NCKAP5: variants seen among roughly 807,000 people sequenced by gnomAD.
The protein encoded by NCKAP5 is nck-associated protein 5.
A neutral mutation model predicts 167.0 loss-of-function variants in NCKAP5; 92 were observed. The observed-to-expected ratio is 0.55, with a 90% CI of 0.47 to 0.66. The LOEUF (loss-of-function observed/expected upper bound fraction) is 0.66. Among genes scored for constraint, NCKAP5 ranks in the 30% least tolerant of loss-of-function variants. The pLI is 0.00. For synonymous variants in NCKAP5, 891 were observed against 877.4 expected (o/e 1.02, Z -0.27); for missense variants, 2,378 against 2,315.0 (o/e 1.03, Z -0.56).
At chr2:133,337,846 C>G (rs564625747) in intron 3 of NCKAP5, among the ~76,000 whole-genome samples, 1 of 152,196 alleles carries the variant, frequency 6.6e-6, no homozygotes, top group Admixed American at 6.5e-5. Flanking sequence ...CTCATTATAC[C>G]AATAATCAAC....
intron 3 of NCKAP5, among the ~76,000 whole-genome samples, chr2:133,508,071 A>G (rs927597365): frequency 1.3e-5 from 2 of 152,200 alleles, no homozygotes; most frequent in Non-Finnish European, 2.9e-5. Context: ...AATTAGGGGT[A>G]AGAGAATGTT....
At chr2:133,016,543 C>A (rs1243503135) in intron 6 of NCKAP5, among the ~76,000 whole-genome samples, 2 of 152,152 alleles carry the variant, frequency 1.3e-5, no homozygotes, top group African/African-American at 4.8e-5. Flanking sequence ...AGAAAATGGT[C>A]TTTTGGAATC....
intron 11 of NCKAP5, among the ~76,000 whole-genome samples, chr2:132,827,488 G>A (rs1357143883): frequency 6.6e-6 from 1 of 152,140 alleles, no homozygotes; most frequent in African/African-American, 2.4e-5. Context: ...GATCATATCA[G>A]GGTAATTAGC....
intron 8 of NCKAP5, among the ~76,000 whole-genome samples, chr2:132,892,649 A>G (rs564305732): frequency 6.6e-6 from 1 of 152,356 alleles, no homozygotes; most frequent in Non-Finnish European, 1.5e-5. Context: ...ATTTGCAGAA[A>G]AGAATATCAA....
chr2:133,184,338 G>A (rs2084855979), intron 5 of NCKAP5, among the ~76,000 whole-genome samples: 1 of 152,090 alleles, frequency 6.6e-6, no homozygotes, highest in African/African-American at 2.4e-5. Flanking sequence ...CGGTGTATAT[G>A]TATCATCTTT....
At chr2:133,186,235 G>A (rs931165530) in intron 5 of NCKAP5, among the ~76,000 whole-genome samples, 1 of 151,832 alleles carries the variant, frequency 6.6e-6, no homozygotes, top group African/African-American at 2.4e-5. Context: ...TTTGCTTTTT[G>A]TTTTTATGTG....
intron 8 of NCKAP5, among the ~76,000 whole-genome samples, chr2:132,899,645 C>T (rs757331539): frequency 2.8e-4 from 42 of 152,330 alleles, no homozygotes; most frequent in Middle Eastern, 3.4e-3. Context: ...AAGGCCGAAG[C>T]GGGCAGATCA....
rs72996880 is a variant in NCKAP5, at chr2:133,046,704, A to G, written c.342-52465T>C. ...CAGATGAAGTTTCATATTTCACTAA[A>G]GAGAAACTACCTAGCTTCTAAGAAA... On this transcript the variant is annotated intron_variant, in intron 6 of 19. Coordinates refer to ENST00000409261, the MANE Select transcript of NCKAP5 (RefSeq NM_207363.3). Among the ~76,000 whole-genome samples, 1,276 of 152,268 alleles carry G rather than the reference A, an allele frequency of 8.4e-3. 14 individuals are homozygous for G. The highest frequency in any genetic ancestry group is 0.028 in the African/African-American group (1,177 of 41,538).
intron 6 of NCKAP5, among the ~76,000 whole-genome samples, chr2:133,108,219 C>T (rs545303186): frequency 6.6e-6 from 1 of 152,300 alleles, no homozygotes; most frequent in Non-Finnish European, 1.5e-5. Context: ...TTGTGCACAG[C>T]AGGCATTCAG....
At chr2:132,673,665 G>A (rs1684035893) in intron 19 of NCKAP5, among the ~76,000 whole-genome samples, 1 of 152,098 alleles carries the variant, frequency 6.6e-6, no homozygotes, top group African/African-American at 2.4e-5. Context: ...TTCTAAATAT[G>A]AGTAGGTATT....
chr2:133,071,431 C>T (rs2080396141), intron 6 of NCKAP5, among the ~76,000 whole-genome samples: 1 of 152,054 alleles, frequency 6.6e-6, no homozygotes, highest in Admixed American at 6.6e-5. Flanking sequence ...GGCGACAGAG[C>T]GAGACTCCGT....
At chr2:133,380,098 A>G (rs943147636) in intron 3 of NCKAP5, among the ~76,000 whole-genome samples, 2 of 152,172 alleles carry the variant, frequency 1.3e-5, no homozygotes, top group African/African-American at 4.8e-5. Context: ...AAATAAAAAG[A>G]TATTTATTTA....
the NCKAP5 span, among the ~76,000 whole-genome samples, chr2:133,623,905 A>G: frequency 2.0e-5 from 3 of 152,348 alleles, no homozygotes; most frequent in Admixed American, 6.5e-5. Context: ...ACGTTCATCA[A>G]TCAACGAGTG....
chr2:133,362,304 CA>C (rs1347013226), intron 3 of NCKAP5, among the ~76,000 whole-genome samples: 1 of 152,172 alleles, frequency 6.6e-6, no homozygotes. Flanking sequence ...GGGAGATCAG[CA>C]AACTGCTTTG....
At chr2:133,127,479 C>A (rs1319208336) in intron 6 of NCKAP5, among the ~76,000 whole-genome samples, 1 of 152,158 alleles carries the variant, frequency 6.6e-6, no homozygotes, top group Non-Finnish European at 1.5e-5. Flanking sequence ...TAAAAACCAA[C>A]CACTACTTAT....
chr2:132,784,056 C>G lies in NCKAP5; in HGVS notation c.2755G>C (p.Gly919Arg). 6.5e-7 allele frequency: 1 copy of G among 1,530,290 alleles called. No homozygotes were observed. The highest frequency in any genetic ancestry group is 8.8e-7 in the Non-Finnish European group (1 of 1,142,214). The allele number at this position is 1,530,290 out of a possible 1,614,324, so 94.8% of individuals were successfully genotyped here. A position where few individuals can be genotyped will look rare whatever the true frequency, so the allele number is the denominator to read the frequency against. ...GGGGATTTCACCCCTGCCTCCGGCC[C>G]AGAGCCACAGTGTTCATCCCTCGTG... ...PPTRDEHCGS[G>R]PEAGVKSPSP... The change falls in exon 14 of 20, where the codon GGG becomes CGG. Residue 919 changes from glycine to arginine, a missense_variant. Physicochemically the swap from Gly to Arg is moderately radical, Grantham distance 125. Around this residue, in one of 3 missense-constraint regions of NCKAP5, gnomAD observed 1,325 missense variants for 1,274.5 expected, o/e 1.04. Coordinates refer to ENST00000409261, the MANE Select transcript of NCKAP5 (RefSeq NM_207363.3).
intron 7 of NCKAP5, among the ~76,000 whole-genome samples, chr2:132,970,301 C>T (rs2076793769): frequency 6.6e-6 from 1 of 152,136 alleles, no homozygotes; most frequent in African/African-American, 2.4e-5. Context: ...GGATATCAGA[C>T]AGAGAGGTCA....
intron 11 of NCKAP5, among the ~76,000 whole-genome samples, chr2:132,829,986 G>A (rs535369312): frequency 4.3e-4 from 65 of 152,240 alleles, no homozygotes; most frequent in African/African-American, 1.6e-3. Flanking sequence ...ATTTCGTCTA[G>A]TGATGTTGAC....
At chr2:133,654,946 T>C in the NCKAP5 span, among the ~76,000 whole-genome samples, 4 of 152,202 alleles carry the variant, frequency 2.6e-5, no homozygotes, top group African/African-American at 4.8e-5. Context: ...TTCAACTGAG[T>C]TAACCACTCT....
Sources: allele counts gnomAD v4.1 joint callset (sites outside exome capture counted in the v4.1 genomes callset), GRCh38; gene constraint gnomAD v4.1.1; regional missense constraint gnomAD v4.1.1; transcripts MANE v1.5; gene names NCBI Gene and HGNC (gene_info 2026-07-23, HGNC 2026-07-21).